The following MTMR14 variants were observed in gnomAD, a reference collection of about 807,000 sequenced individuals.
The protein encoded by MTMR14 is phosphatidylinositol-3,5-bisphosphate 3-phosphatase MTMR14.
Under a neutral mutation model 86.3 loss-of-function variants are expected in MTMR14, and 48 were observed. The ratio of observed to expected loss-of-function variants is 0.56; its 90% CI spans 0.44 to 0.71. The LOEUF is 0.71. Among genes scored for constraint, MTMR14 ranks in the 30% least tolerant of loss-of-function variants. The pLI, the probability that MTMR14 is intolerant of heterozygous loss-of-function variation, is 0.00. For synonymous variants in MTMR14, 366 were observed against 326.1 expected (o/e 1.12, Z -1.32); for missense variants, 780 against 834.6 (o/e 0.93, Z 0.81).
At chr3:9,673,180 T>G (rs2048666837) in intron 7 of MTMR14, among the ~76,000 whole-genome samples, 2 of 152,250 alleles carry the variant, frequency 1.3e-5, no homozygotes, top group South Asian at 4.1e-4. Flanking sequence ...TGAGTGGATG[T>G]CACCCTTTGG....
In MTMR14 at chr3:9,677,214, G is replaced by A. The variant is rs970517251; in HGVS notation, c.752-103G>A. The A allele has an allele frequency of 9.1e-6, 9 of 990,276 alleles. No individual in the cohort carries two copies. In the East Asian group the frequency reaches 1.5e-4, roughly 16 times the overall value. 61.3% of individuals were successfully genotyped at this position (990,276 alleles called of 1,614,324 possible). On this transcript the variant is annotated intron_variant, in intron 7 of 18. Coordinates refer to ENST00000296003, the MANE Select transcript of MTMR14 (RefSeq NM_001077525.3). The surrounding 1 kb of genome is among the most constrained non-coding windows in gnomAD (Gnocchi z 4.2). Reference sequence around the variant, plus strand: ...CTAGCTTGGAGAAGTGTGAGTTGGCGGCCCCCTCTCCACAGCACTCAGGGA... The same window carrying A: ...CTAGCTTGGAGAAGTGTGAGTTGGCAGCCCCCTCTCCACAGCACTCAGGGA...
chr3:9,684,648 T>C lies in MTMR14; in HGVS notation c.1028T>C (p.Leu343Pro). 6.2e-7 allele frequency: 1 copy of C among 1,614,160 alleles called. No homozygotes were observed. The highest frequency in any genetic ancestry group is 1.6e-4 in the Middle Eastern group (1 of 6,062). Residue 343 changes from leucine to proline, a missense_variant, in exon 11 of 19, where the codon CTC becomes CCC. Coordinates refer to ENST00000296003, the MANE Select transcript of MTMR14 (RefSeq NM_001077525.3). Reference sequence around the variant, plus strand: ...GATCGGACCCCCCTCTTCATCTCCCTCCTGCGCCTTTCCTTGTGGGCTGTG... The same window carrying C: ...GATCGGACCCCCCTCTTCATCTCCCCCCTGCGCCTTTCCTTGTGGGCTGTG... Reference protein sequence around the residue: ...GWDRTPLFISLLRLSLWADGL... With the variant: ...GWDRTPLFISPLRLSLWADGL...
At chr3:9,678,178 A>G in intron 9 of MTMR14, 120 bp downstream of exon 9, 1 of 921,648 alleles carries the variant, frequency 1.1e-6, no homozygotes, top group Non-Finnish European at 1.7e-6. Flanking sequence ...GTGCACTCAG[A>G]TGCCTTTGGC....
intron 9 of MTMR14, among the ~76,000 whole-genome samples, chr3:9,680,111 T>C (rs2075711407): frequency 6.6e-6 from 1 of 152,158 alleles, no homozygotes; most frequent in Non-Finnish European, 1.5e-5. Context: ...CTTTCACACA[T>C]GTCCCTTCAG....
chr3:9,673,671 G>T (rs1010766637), intron 7 of MTMR14, among the ~76,000 whole-genome samples: 2 of 152,132 alleles, frequency 1.3e-5, no homozygotes, highest in African/African-American at 2.4e-5. Context: ...TGGGAGGGGT[G>T]TCCTCATCAT....
intron 17 of MTMR14, among the ~76,000 whole-genome samples, chr3:9,691,139 G>A (rs759961734): frequency 6.6e-6 from 1 of 152,258 alleles, no homozygotes; most frequent in Non-Finnish European, 1.5e-5. Context: ...ATAAGCGGGA[G>A]GCAAGTGGGC....
At chr3:9,666,425 A>G (rs1467224196) in intron 3 of MTMR14, among the ~76,000 whole-genome samples, 1 of 152,094 alleles carries the variant, frequency 6.6e-6, no homozygotes, top group Admixed American at 6.6e-5. Flanking sequence ...GAGCCACCAC[A>G]CCTGGCCAAT....
chr3:9,697,303 C>T (rs2076309697), intron 17 of MTMR14, among the ~76,000 whole-genome samples: 1 of 152,166 alleles, frequency 6.6e-6, no homozygotes. Context: ...TGCATGCCAG[C>T]AAGTATGGGT....
chr3:9,655,676 T>C (rs994659048), intron 2 of MTMR14, among the ~76,000 whole-genome samples: 6 of 150,914 alleles, frequency 4.0e-5, no homozygotes, highest in Non-Finnish European at 8.9e-5. Flanking sequence ...TTGGTCAGGC[T>C]GGTCTCGAAC....
chr3:9,650,365 T>C (rs1342827167), intron 1 of MTMR14: 1 of 456,694 alleles, frequency 2.2e-6, no homozygotes, highest in Non-Finnish European at 4.4e-6. Context: ...TCCTGTCAGC[T>C]CAGGCCATCC....
At chr3:9,671,322 T>C (rs932210611) in intron 6 of MTMR14, 152 bp downstream of exon 6, 3 of 1,058,660 alleles carry the variant, frequency 2.8e-6, no homozygotes, top group African/African-American at 1.6e-5. Context: ...CCCTGCAAAA[T>C]AGGTACCAGT....
intron 1 of MTMR14, among the ~76,000 whole-genome samples, chr3:9,653,222 G>A (rs776029793): frequency 2.6e-5 from 4 of 152,228 alleles, no homozygotes; most frequent in Non-Finnish European, 4.4e-5. Context: ...GCGACAGAGC[G>A]AGACTCCGTC....
chr3:9,699,866 G>A (rs568254927), intron 18 of MTMR14: 2 of 152,336 alleles, frequency 1.3e-5, no homozygotes, highest in Admixed American at 1.3e-4. Flanking sequence ...AGAAGCTAAG[G>A]CAAGCATGCA....
intron 3 of MTMR14, among the ~76,000 whole-genome samples, chr3:9,665,890 G>A (rs932181023): frequency 1.3e-5 from 2 of 151,676 alleles, no homozygotes; most frequent in African/African-American, 2.4e-5. Context: ...CACCATGCCC[G>A]GCTAATTGTT....
intron 13 of MTMR14, 116 bp from the exon 14 acceptor site, chr3:9,687,705 C>T (rs954075295): frequency 3.7e-6 from 3 of 807,994 alleles, no homozygotes; most frequent in Non-Finnish European, 6.2e-6. Context: ...CCCACACAGT[C>T]CCACAGCAGG....
intron 9 of MTMR14, among the ~76,000 whole-genome samples, chr3:9,679,674 C>T (rs145449381): frequency 6.6e-6 from 1 of 152,298 alleles, no homozygotes; most frequent in Non-Finnish European, 1.5e-5. Context: ...ACCTCACTTC[C>T]CCCTGAAAAT....
At chr3:9,671,016 A>G (rs776511054) in intron 5 of MTMR14, 32 bp from the exon 6 acceptor site, 3 of 1,613,862 alleles carry the variant, frequency 1.9e-6, no homozygotes, top group South Asian at 1.1e-5. Context: ...TGAACATGCC[A>G]TGTAACTTCT....
chr3:9,664,346 A>C (rs941079227), intron 3 of MTMR14, among the ~76,000 whole-genome samples: 4 of 151,556 alleles, frequency 2.6e-5, no homozygotes, highest in Non-Finnish European at 5.9e-5. Flanking sequence ...CATGTGGCTC[A>C]CGGTAGGCAC....
In MTMR14 at chr3:9,677,410, A is replaced by G. The variant is rs1346929769; in HGVS notation, c.822+23A>G. On this transcript the variant is annotated intron_variant, in intron 8 of 18. Transcript: ENST00000296003. This position sits in a 1 kb window ranked among gnomAD's most constrained non-coding sequence, Gnocchi z 4.2. ...CAGGTATGAGCAATAACATACATCA[A>G]ATTGGATCTATGTCTCTTTGTAAAG... The G allele has an allele frequency of 6.2e-7, 1 of 1,603,780 alleles. No individual in the cohort carries two copies. The highest frequency in any genetic ancestry group is 2.2e-5 in the East Asian group (1 of 44,844).
Sources: allele counts gnomAD v4.1 joint callset (sites outside exome capture counted in the v4.1 genomes callset), GRCh38; gene constraint gnomAD v4.1.1; non-coding constraint Gnocchi (gnomAD v3.1); transcripts MANE v1.5; gene names NCBI Gene and HGNC (gene_info 2026-07-23, HGNC 2026-07-21).